The following KIF26B variants were observed in gnomAD, a reference collection of about 807,000 sequenced individuals.
KIF26B encodes the protein kinesin-like protein KIF26B.
A neutral mutation model predicts 151.2 loss-of-function variants in KIF26B; 63 were observed. The observed-to-expected ratio is 0.42, with a 90% CI of 0.34 to 0.51. The LOEUF (loss-of-function observed/expected upper bound fraction) is 0.51, where lower values mean the gene tolerates loss of function less well. KIF26B is among the 20% of genes least tolerant of loss of function. The pLI is 0.07. For missense variants in KIF26B, 2,813 were observed against 2,913.6 expected, an observed-to-expected ratio of 0.97 and a Z score of 0.79; for synonymous variants, 1,357 against 1,262.1, an observed-to-expected ratio of 1.08 and a Z score of -1.59.
intron 9 of KIF26B, among the ~76,000 whole-genome samples, chr1:245,623,226 C>T (rs184198545): frequency 4.1e-4 from 62 of 152,150 alleles, no homozygotes; most frequent in African/African-American, 1.4e-3. Context: ...CAATCCCTGC[C>T]TCCAGCTCCT....
intron 4 of KIF26B, among the ~76,000 whole-genome samples, chr1:245,532,248 C>CTG (rs1553284445): frequency 8.2e-6 from 1 of 121,484 alleles, no homozygotes; most frequent in African/African-American, 3.3e-5. Flanking sequence ...CTTTTCTTTT[C>CTG]TTTTTTTTTT....
At chr1:245,676,819 C>T (rs761726376) in intron 10 of KIF26B, among the ~76,000 whole-genome samples, 42 of 152,308 alleles carry the variant, frequency 2.8e-4, no homozygotes, top group African/African-American at 7.7e-4. Context: ...GCTCATCACA[C>T]GTCTCCTCCT....
intron 4 of KIF26B, among the ~76,000 whole-genome samples, chr1:245,502,476 G>A (rs1416345601): frequency 4.7e-5 from 7 of 147,434 alleles, no homozygotes; most frequent in Non-Finnish European, 8.9e-5. Context: ...GCAGTGAGCC[G>A]AGATCCTGCC....
At chr1:245,642,280 A>G (rs930641948) in intron 9 of KIF26B, among the ~76,000 whole-genome samples, 2 of 152,162 alleles carry the variant, frequency 1.3e-5, no homozygotes, top group African/African-American at 4.8e-5. Flanking sequence ...TGCTGTGGGA[A>G]GGAGGCTGAT....
chr1:245,673,635 A>T (rs2044322246), intron 10 of KIF26B: 1 of 152,284 alleles, frequency 6.6e-6, no homozygotes, highest in Non-Finnish European at 1.5e-5. Flanking sequence ...ATTGAATTAC[A>T]GAAAGGGGTG....
At chr1:245,419,222 C>T (rs758582703) in intron 3 of KIF26B, among the ~76,000 whole-genome samples, 7 of 152,166 alleles carry the variant, frequency 4.6e-5, no homozygotes, top group Non-Finnish European at 8.8e-5. Context: ...CGGGGCTATT[C>T]CTGGTAAGAA....
intron 2 of KIF26B, among the ~76,000 whole-genome samples, chr1:245,203,153 A>G (rs529357027): frequency 4.0e-5 from 6 of 148,716 alleles, no homozygotes; most frequent in South Asian, 4.4e-4. Context: ...AGGCTGAGGC[A>G]GGAGAATAGC....
At chr1:245,155,637 C>A in intron 1 of KIF26B, 150 bp downstream of exon 1, 1 of 641,234 alleles carries the variant, frequency 1.6e-6, no homozygotes, top group Non-Finnish European at 2.6e-6. Context: ...TGCGCGGAGG[C>A]GGGTCGGCCG....
intron 6 of KIF26B, among the ~76,000 whole-genome samples, chr1:245,603,912 G>A (rs536252054): frequency 6.6e-6 from 1 of 152,236 alleles, no homozygotes; most frequent in African/African-American, 2.4e-5. Flanking sequence ...CTACTTGGGG[G>A]CCCAGGGTAC....
chr1:245,414,314 A>G (rs1039904836), intron 3 of KIF26B, among the ~76,000 whole-genome samples: 1 of 152,200 alleles, frequency 6.6e-6, no homozygotes. Flanking sequence ...CAAAGCCAAG[A>G]GGAAAAGTGC....
intron 2 of KIF26B, among the ~76,000 whole-genome samples, chr1:245,237,124 C>T (rs1670125274): frequency 6.6e-6 from 1 of 152,228 alleles, no homozygotes; most frequent in Admixed American, 6.5e-5. Flanking sequence ...CCTCTGTCCT[C>T]TGCTCCCTCT....
intron 2 of KIF26B, among the ~76,000 whole-genome samples, chr1:245,262,837 C>G (rs1024067169): frequency 2.0e-5 from 3 of 152,202 alleles, no homozygotes; most frequent in African/African-American, 7.2e-5. Flanking sequence ...GACAGATGTT[C>G]ATTTCACAGA....
In KIF26B at chr1:245,169,328, G is replaced by GGTGTGTGGGTGGGTGT. The variant is rs56332945; in HGVS notation, c.465+12652_465+12653insGGTGGGTGTGTGTGTG. On this transcript the variant is annotated intron_variant, in intron 2 of 14. Coordinates refer to ENST00000407071, the MANE Select transcript of KIF26B (RefSeq NM_018012.4). ...TGCACTCGACTTTCTAACGGGCCAT[G>GGTGTGTGGGTGGGTGT]GTGTGTGTGTGTGTGTGTGTGTGTG... Among the ~76,000 whole-genome samples, 63 of 134,176 alleles carry GGTGTGTGGGTGGGTGT rather than the reference G, an allele frequency of 4.7e-4. 2 individuals carry two copies. In the South Asian group the frequency reaches 0.012, roughly 25 times the overall value. 88.0% of individuals were successfully genotyped at this position (134,176 alleles called of 152,430 possible).
In KIF26B at chr1:245,540,263, T is replaced by C. The variant is rs550182391; in HGVS notation, c.1167-504T>C. Reference sequence around the variant, plus strand: ...TCTAAAACCAGTTTGATTTTTCCTGTTGCACTGGGGCTTGTGTTTTTCTTC... The same window carrying C: ...TCTAAAACCAGTTTGATTTTTCCTGCTGCACTGGGGCTTGTGTTTTTCTTC... On this transcript the variant is annotated intron_variant, in intron 4 of 14. Transcript: ENST00000407071. This position sits in a 1 kb window ranked among gnomAD's most constrained non-coding sequence, Gnocchi z 4.6. Among the ~76,000 whole-genome samples, 38 of 152,368 alleles carry C rather than the reference T, an allele frequency of 2.5e-4. No individual in the cohort carries two copies. The highest frequency in any genetic ancestry group is 1.9e-3 in the South Asian group (9 of 4,824).
chr1:245,262,882 A>G (rs1433059670), intron 2 of KIF26B, among the ~76,000 whole-genome samples: 1 of 152,220 alleles, frequency 6.6e-6, no homozygotes, highest in Non-Finnish European at 1.5e-5. Flanking sequence ...CCTCAACACC[A>G]GTGACATTCC....
intron 5 of KIF26B, among the ~76,000 whole-genome samples, chr1:245,596,935 A>G (rs142377549): frequency 8.9e-4 from 135 of 152,264 alleles, no homozygotes; most frequent in African/African-American, 3.1e-3. Flanking sequence ...AGTCTGTTTT[A>G]TCAGACACTA....
In KIF26B at chr1:245,551,883, C is replaced by T. The variant is rs1037751390; in HGVS notation, c.1350+10933C>T. Among the ~76,000 whole-genome samples the T allele has an allele frequency of 9.2e-5, 14 of 152,246 alleles. No homozygotes were observed. The East Asian group carries it at 1.7e-3, about 19-fold the overall frequency. ...GGCTGGGTGCCCCCTCGTGTGCTTC[C>T]GTAACCCCCCAAAGTTTCTCCTCAT... On this transcript the variant is annotated intron_variant, in intron 5 of 14. Coordinates refer to ENST00000407071, the MANE Select transcript of KIF26B (RefSeq NM_018012.4).
chr1:245,528,835 A>T (rs576411568), intron 4 of KIF26B, among the ~76,000 whole-genome samples: 159 of 152,248 alleles, frequency 1.0e-3, no homozygotes, highest in Non-Finnish European at 2.0e-3. Flanking sequence ...CAGAAACAGA[A>T]CTTCTCTGTT....
intron 5 of KIF26B, among the ~76,000 whole-genome samples, chr1:245,592,225 C>T (rs1031772344): frequency 3.3e-5 from 5 of 152,196 alleles, no homozygotes; most frequent in African/African-American, 4.8e-5. Flanking sequence ...TCTGGCACCA[C>T]GGGAGCTCAC....
Sources: gnomAD v4.1 joint callset for allele counts (sites outside exome capture counted in the v4.1 genomes callset) on GRCh38, gnomAD v4.1.1 for gene constraint, Gnocchi (gnomAD v3.1) non-coding constraint, MANE v1.5 for transcripts, NCBI Gene and HGNC (gene_info 2026-07-23, HGNC 2026-07-21) for gene names.